CSMD1: variants seen among roughly 807,000 people sequenced by gnomAD.
CSMD1 encodes CUB and sushi domain-containing protein 1.
In CSMD1, 213 loss-of-function variants were observed where a neutral mutation model predicts 417.5. The observed-to-expected ratio is 0.51, with a 90% CI of 0.46 to 0.57. The LOEUF is 0.57. Ranked by LOEUF, CSMD1 falls within the 20% of genes least tolerant of loss-of-function variation. The pLI is 0.00. For synonymous variants in CSMD1, 2,862 were observed against 1,736.8 expected, an observed-to-expected ratio of 1.65 and a Z score of -16.11; for missense variants, 6,923 against 4,529.7, an observed-to-expected ratio of 1.53 and a Z score of -15.17.
At chr8:3,940,870 C>G (rs1402960371) in intron 5 of CSMD1, among the ~76,000 whole-genome samples, 4 of 105,782 alleles carry the variant, frequency 3.8e-5, no homozygotes. Flanking sequence ...TACGCTTCTT[C>G]CTTATGCCAT....
At chr8:3,785,915 C>T (rs950391096) in intron 5 of CSMD1, among the ~76,000 whole-genome samples, 6 of 152,146 alleles carry the variant, frequency 3.9e-5, no homozygotes, top group African/African-American at 1.4e-4. Context: ...TCTCTGTACA[C>T]CATTCTTGGA....
chr8:3,552,924 C>G (rs1798979680), intron 10 of CSMD1, among the ~76,000 whole-genome samples: 2 of 151,946 alleles, frequency 1.3e-5, no homozygotes, highest in African/African-American at 2.4e-5. Flanking sequence ...GATCGGAAAT[C>G]TGTTATAATT....
chr8:4,501,105 T>C (rs140944384), intron 2 of CSMD1, among the ~76,000 whole-genome samples: 93 of 152,208 alleles, frequency 6.1e-4, no homozygotes, highest in Middle Eastern at 3.4e-3. Flanking sequence ...GGGACAACCA[T>C]GAAGAAAAGG....
intron 7 of CSMD1, among the ~76,000 whole-genome samples, chr8:3,623,153 G>C (rs1023850969): frequency 6.6e-6 from 1 of 152,174 alleles, no homozygotes; most frequent in African/African-American, 2.4e-5. Context: ...GTTTGTAAAA[G>C]AGTTTAAATG....
chr8:4,448,896 T>G (rs984111657), intron 2 of CSMD1, among the ~76,000 whole-genome samples: 1 of 152,220 alleles, frequency 6.6e-6, no homozygotes, highest in Non-Finnish European at 1.5e-5. Flanking sequence ...AACACACACA[T>G]GCACACATAT....
intron 3 of CSMD1, among the ~76,000 whole-genome samples, chr8:4,401,641 C>G (rs1170328116): frequency 6.6e-6 from 1 of 152,092 alleles, no homozygotes; most frequent in Admixed American, 6.6e-5. Context: ...CTGTGTCGTA[C>G]CCGACCCTCC....
chr8:4,085,134 G>C (rs1800352656), intron 3 of CSMD1, among the ~76,000 whole-genome samples: 1 of 152,174 alleles, frequency 6.6e-6, no homozygotes, highest in Non-Finnish European at 1.5e-5. Context: ...AGGCTGAGAT[G>C]TCACCGGCCT....
intron 23 of CSMD1, among the ~76,000 whole-genome samples, chr8:3,311,406 C>T (rs1270284042): frequency 6.6e-6 from 1 of 152,090 alleles, no homozygotes; most frequent in East Asian, 1.9e-4. Context: ...CGAGCCATCA[C>T]ACCCAGCTAA....
intron 1 of CSMD1, among the ~76,000 whole-genome samples, chr8:4,764,770 G>A (rs1395942753): frequency 6.7e-6 from 1 of 150,234 alleles, no homozygotes; most frequent in Non-Finnish European, 1.5e-5. Flanking sequence ...CTACTCTGGA[G>A]GCTGCGGCAG....
intron 33 of CSMD1, among the ~76,000 whole-genome samples, chr8:3,195,340 C>A (rs1796646787): frequency 6.6e-6 from 1 of 152,104 alleles, no homozygotes; most frequent in Non-Finnish European, 1.5e-5. Context: ...GATGTGGGCT[C>A]TGCCTCTCTT....
chr8:3,831,244 G>C (rs1475179910), intron 5 of CSMD1, among the ~76,000 whole-genome samples: 2 of 152,152 alleles, frequency 1.3e-5, no homozygotes, highest in Non-Finnish European at 2.9e-5. Context: ...ACAAAGTTTT[G>C]AGAGAATACT....
At position 2,961,128 on chromosome 8, in the gene CSMD1, C is replaced by A. The variant is rs759810425; in HGVS notation, c.9702+13G>T. On this transcript the variant is annotated intron_variant, in intron 62 of 69. Coordinates refer to ENST00000635120, the MANE Select transcript of CSMD1 (RefSeq NM_033225.6). ...TTCCAGAAAGAAAACATAGTAAATT[C>A]ATAATGAACTACCTCATAGCCTCTG... is the stretch of plus-strand genomic sequence containing the variant. 30 of 1,503,026 alleles carry A rather than the reference C, an allele frequency of 2.0e-5. No individual in the cohort carries two copies. Among genetic ancestry groups the A allele is most frequent in the East Asian group, 2.3e-5 (1 of 42,774 alleles). The allele number at this position is 1,503,026 out of a possible 1,614,324, so 93.1% of individuals were successfully genotyped here.
intron 2 of CSMD1, among the ~76,000 whole-genome samples, chr8:4,614,095 A>G (rs1801341392): frequency 1.3e-5 from 2 of 152,200 alleles, no homozygotes; most frequent in African/African-American, 4.8e-5. Flanking sequence ...TGGCAAGCCA[A>G]TGTGAGAACG....
intron 6 of CSMD1, among the ~76,000 whole-genome samples, chr8:3,743,584 A>G (rs1796921816): frequency 6.6e-6 from 1 of 152,156 alleles, no homozygotes; most frequent in Admixed American, 6.5e-5. Context: ...CATTACGCCG[A>G]AGGGAAAAGT....
chr8:3,344,800 A>T (rs746325767), intron 22 of CSMD1, among the ~76,000 whole-genome samples: 1 of 152,228 alleles, frequency 6.6e-6, no homozygotes, highest in East Asian at 1.9e-4. Context: ...AAAAGGAGAA[A>T]ATACATTTAG....
intron 3 of CSMD1, among the ~76,000 whole-genome samples, chr8:4,202,342 T>C (rs1352375993): frequency 6.6e-6 from 1 of 152,222 alleles, no homozygotes; most frequent in Non-Finnish European, 1.5e-5. Context: ...CAATATGGCA[T>C]TTTAATGTCT....
chr8:3,720,563 G>T (rs573628071), intron 6 of CSMD1, among the ~76,000 whole-genome samples: 1 of 150,990 alleles, frequency 6.6e-6, no homozygotes, highest in African/African-American at 2.4e-5. Context: ...CTTAAACAGG[G>T]GTGACACTTC....
rs765781510 is a variant in CSMD1, at chr8:3,308,340, C to G, written c.3795G>C (p.Val1265=). 1.2e-6 allele frequency: 2 copies of G among 1,612,928 alleles called. No individual in the cohort carries two copies. The highest frequency in any genetic ancestry group is 8.5e-7 in the Non-Finnish European group (1 of 1,179,206). The change falls in exon 24 of 70, where the codon GTG becomes GTC. Residue 1265 remains valine (V), a synonymous_variant. Transcript: ENST00000635120. The part of the protein sequence containing the change: ...TLTCLSGDRR[V]WDKPLPSCIA... ...TGCACGAAGGTAGTGGTTTGTCCCACACTCTCCTGTCTCCACTCAAACAGG... is the reference window on the plus strand; with the variant it reads ...TGCACGAAGGTAGTGGTTTGTCCCAGACTCTCCTGTCTCCACTCAAACAGG...
chr8:3,731,571 T>C (rs1248161609), intron 6 of CSMD1, among the ~76,000 whole-genome samples: 1 of 152,108 alleles, frequency 6.6e-6, no homozygotes, highest in Non-Finnish European at 1.5e-5. Flanking sequence ...GTGAAGAATC[T>C]AAAATAGGTT....
Sources: allele counts gnomAD v4.1 joint callset (sites outside exome capture counted in the v4.1 genomes callset), GRCh38; gene constraint gnomAD v4.1.1; transcripts MANE v1.5; gene names NCBI Gene and HGNC (gene_info 2026-07-23, HGNC 2026-07-21).